TSPAN9: variants seen among roughly 807,000 people sequenced by gnomAD.
TSPAN9 encodes tetraspanin 9.
In TSPAN9, 16 loss-of-function variants were observed where a neutral mutation model predicts 31.0. The observed-to-expected ratio is 0.52, with a 90% CI of 0.35 to 0.78. The LOEUF is 0.78. TSPAN9 is among the 30% of genes least tolerant of loss of function. The pLI is 0.01. For missense variants in TSPAN9, 272 were observed against 312.5 expected (o/e 0.87, Z 0.98); for synonymous variants, 145 against 121.6 (o/e 1.19, Z -1.27).
At chr12:3,232,142 G>A (rs1047257222) in intron 3 of TSPAN9, among the ~76,000 whole-genome samples, 3 of 152,172 alleles carry the variant, frequency 2.0e-5, no homozygotes, top group Admixed American at 1.3e-4. Flanking sequence ...ATTTAAGTGG[G>A]CATAGAATTC....
chr12:3,268,876 G>C (rs1862605726), intron 3 of TSPAN9, among the ~76,000 whole-genome samples: 1 of 113,666 alleles, frequency 8.8e-6, no homozygotes, highest in African/African-American at 3.5e-5. Flanking sequence ...TGCCCTCTGT[G>C]CGTTCCTGCA....
At chr12:3,158,085 C>A (rs1275574526) in intron 2 of TSPAN9, among the ~76,000 whole-genome samples, 2 of 152,204 alleles carry the variant, frequency 1.3e-5, no homozygotes, top group African/African-American at 4.8e-5. Context: ...TTTTCAGTGC[C>A]TGCGGGGTTT....
At chr12:3,085,936 C>T (rs1046318532) in intron 2 of TSPAN9, among the ~76,000 whole-genome samples, 13 of 152,204 alleles carry the variant, frequency 8.5e-5, no homozygotes, top group Admixed American at 2.6e-4. Flanking sequence ...AGATGGTCCC[C>T]TGCCCCGTGA....
chr12:3,229,834 C>T (rs1017523139), intron 3 of TSPAN9, among the ~76,000 whole-genome samples: 2 of 152,226 alleles, frequency 1.3e-5, no homozygotes, highest in Admixed American at 1.3e-4. Flanking sequence ...AGCCTTCTCT[C>T]TGGCAGGCAG....
intron 1 of TSPAN9, among the ~76,000 whole-genome samples, chr12:3,079,066 G>A (rs539815731): frequency 2.0e-5 from 3 of 150,530 alleles, no homozygotes; most frequent in Non-Finnish European, 2.9e-5. Context: ...TGCAACCCCC[G>A]CGTCCCAGGT....
intron 1 of TSPAN9, among the ~76,000 whole-genome samples, chr12:3,081,830 G>A (rs1336578100): frequency 5.5e-4 from 21 of 38,300 alleles, no homozygotes; most frequent in East Asian, 1.2e-3. Flanking sequence ...GTGTGTGTGT[G>A]TGTGTCTGTG....
chr12:3,159,134 C>T (rs1246073816), intron 2 of TSPAN9, among the ~76,000 whole-genome samples: 1 of 151,668 alleles, frequency 6.6e-6, no homozygotes, highest in Non-Finnish European at 1.5e-5. Flanking sequence ...GTTTAAAGTT[C>T]TCTTACTTTT....
chr12:3,079,833 C>T (rs1481805073), intron 1 of TSPAN9, among the ~76,000 whole-genome samples: 6 of 149,518 alleles, frequency 4.0e-5, no homozygotes, highest in Non-Finnish European at 8.9e-5. Flanking sequence ...AGCACAGGGA[C>T]ACAAGCAGCT....
At chr12:3,212,766 C>G (rs748263870) in intron 3 of TSPAN9, among the ~76,000 whole-genome samples, 14 of 152,190 alleles carry the variant, frequency 9.2e-5, no homozygotes, top group Non-Finnish European at 1.6e-4. Flanking sequence ...GTGCTCTTGC[C>G]TAGCAAGGGG....
Position 3,196,522 on chromosome 12 carries a change from C to T in TSPAN9, c.-17-4655C>T, listed in dbSNP as rs139728916. 9.2e-5 allele frequency among the ~76,000 whole-genome samples: 14 copies of T among 152,208 alleles called. No homozygotes were observed. The East Asian group carries it at 2.3e-3, about 25-fold the overall frequency. On this transcript the variant is annotated intron_variant, in intron 2 of 8. Transcript: ENST00000011898. ...TGTAAAATGGGGATAATAGGGTGTA[C>T]CTATCTTGTAGGGTTGTTATGAAGA...
chr12:3,243,808 C>T (rs2153977395), intron 3 of TSPAN9, among the ~76,000 whole-genome samples: 1 of 152,324 alleles, frequency 6.6e-6, no homozygotes, highest in Admixed American at 6.5e-5. Flanking sequence ...GAGCCCAGGC[C>T]AGCTGCTCTA....
intron 2 of TSPAN9, among the ~76,000 whole-genome samples, chr12:3,154,383 A>G (rs767636499): frequency 1.3e-5 from 2 of 152,212 alleles, no homozygotes; most frequent in South Asian, 2.1e-4. Flanking sequence ...CACTCATTCA[A>G]TAATTCCTAA....
At chr12:3,231,200 A>T (rs111348906) in intron 3 of TSPAN9, among the ~76,000 whole-genome samples, 2,237 of 152,292 alleles carry the variant, frequency 0.015, 58 homozygotes, top group African/African-American at 0.051. Context: ...ACAGAACAGC[A>T]GGTGCAGAAA....
intron 2 of TSPAN9, among the ~76,000 whole-genome samples, chr12:3,149,048 G>A (rs1462677907): frequency 1.3e-5 from 2 of 152,212 alleles, no homozygotes; most frequent in African/African-American, 2.4e-5. Context: ...TCAGCCCCCC[G>A]CCATTTGTCT....
intron 2 of TSPAN9, among the ~76,000 whole-genome samples, chr12:3,087,698 C>T (rs755779856): frequency 1.3e-4 from 19 of 151,838 alleles, no homozygotes; most frequent in Admixed American, 2.6e-4. Flanking sequence ...ACCAGATACT[C>T]GGGAGGCTGA....
intron 2 of TSPAN9, among the ~76,000 whole-genome samples, chr12:3,194,790 T>G (rs2098366280): frequency 1.3e-5 from 2 of 152,084 alleles, no homozygotes; most frequent in South Asian, 4.2e-4. Flanking sequence ...ACCATCGATG[T>G]TACCGTCCTT....
At chr12:3,253,045 C>G (rs1029945770) in intron 3 of TSPAN9, among the ~76,000 whole-genome samples, 1 of 152,166 alleles carries the variant, frequency 6.6e-6, no homozygotes, top group African/African-American at 2.4e-5. Context: ...TGTTTACTCT[C>G]TCCCACCTGG....
chr12:3,169,724 A>G (rs769311596), intron 2 of TSPAN9, among the ~76,000 whole-genome samples: 4 of 152,110 alleles, frequency 2.6e-5, no homozygotes, highest in Non-Finnish European at 5.9e-5. Flanking sequence ...AGCTTGTTGG[A>G]GGAGTGGGAA....
intron 3 of TSPAN9, among the ~76,000 whole-genome samples, chr12:3,214,614 G>A (rs141578683): frequency 1.2e-3 from 179 of 151,764 alleles, no homozygotes; most frequent in African/African-American, 4.1e-3. Flanking sequence ...GTCGTTTCTG[G>A]GCCTGGGCAG....
Sources: allele counts gnomAD v4.1 joint callset (sites outside exome capture counted in the v4.1 genomes callset), GRCh38; gene constraint gnomAD v4.1.1; transcripts MANE v1.5; gene names NCBI Gene and HGNC (gene_info 2026-07-23, HGNC 2026-07-21).